TP53I11: variants seen among roughly 807,000 people sequenced by gnomAD.
The protein encoded by TP53I11 is tumor protein p53-inducible protein 11.
In TP53I11, 9 loss-of-function variants were observed where a neutral mutation model predicts 23.3. That is an observed-to-expected ratio of 0.39 (90% CI 0.23 to 0.67). The LOEUF (loss-of-function observed/expected upper bound fraction) is 0.67, where lower values mean the gene tolerates loss of function less well. Ranked by LOEUF, TP53I11 falls within the 30% of genes least tolerant of loss-of-function variation. TP53I11 has a pLI of 0.48. For synonymous variants in TP53I11, 100 were observed against 106.1 expected, an observed-to-expected ratio of 0.94 and a Z score of 0.35; for missense variants, 170 against 255.2, an observed-to-expected ratio of 0.67 and a Z score of 2.27.
chr11:44,947,942 G>T (rs1862552000), intron 1 of TP53I11, among the ~76,000 whole-genome samples: 1 of 152,228 alleles, frequency 6.6e-6, no homozygotes, highest in African/African-American at 2.4e-5. Flanking sequence ...CCTTGCCTCA[G>T]TTGCCCCCTT....
chr11:44,950,468 G>A (rs1862841198), intron 1 of TP53I11, among the ~76,000 whole-genome samples: 1 of 152,044 alleles, frequency 6.6e-6, no homozygotes, highest in Admixed American at 6.5e-5. Context: ...CGGCGCCTTG[G>A]GGAGCTGGGG....
chr11:44,936,668 G>A lies in TP53I11; in HGVS notation c.334+135C>T, dbSNP rs1261573003. The A allele has an allele frequency of 1.5e-6, 2 of 1,371,494 alleles. No homozygotes were observed. Among genetic ancestry groups the A allele is most frequent in the Non-Finnish European group, 1.9e-6 (2 of 1,060,336 alleles). The allele number at this position is 1,371,494 out of a possible 1,614,324, so 85.0% of individuals were successfully genotyped here. A position where few individuals can be genotyped will look rare whatever the true frequency, so the allele number is the denominator to read the frequency against. The stretch of plus-strand genomic sequence containing the variant: ...ATCCCCAGCAGAGAGCTTCATCAGA[G>A]GCCGGGGTGTGGGCGCAGCATCTGG... On this transcript the variant is annotated intron_variant, in intron 5 of 6. Transcript: ENST00000525680. The surrounding 1 kb of genome is among the most constrained non-coding windows in gnomAD (Gnocchi z 4.4).
At chr11:44,949,339 T>C (rs918140489) in intron 1 of TP53I11, among the ~76,000 whole-genome samples, 8 of 151,910 alleles carry the variant, frequency 5.3e-5, no homozygotes, top group Middle Eastern at 6.3e-3. Flanking sequence ...AGGGACCACA[T>C]AGTTGGGGTG....
Position 44,936,537 on chromosome 11 carries a change from C to T in TP53I11, c.334+266G>A, listed in dbSNP as rs1165097827. 7.2e-6 allele frequency: 9 copies of T among 1,254,374 alleles called. No individual in the cohort carries two copies. The highest frequency in any genetic ancestry group is 3.9e-5 in the Admixed American group (1 of 25,428). 77.7% of individuals were successfully genotyped at this position (1,254,374 alleles called of 1,614,324 possible). ...GGCTTCCTCCATCTCTGTACCACAACGCCCAGAGGCAGTGCACACACTTAT... is the reference window on the plus strand; with the variant it reads ...GGCTTCCTCCATCTCTGTACCACAATGCCCAGAGGCAGTGCACACACTTAT... On this transcript the variant is annotated intron_variant, in intron 5 of 6. Transcript: ENST00000525680. The surrounding 1 kb of genome is among the most constrained non-coding windows in gnomAD (Gnocchi z 4.4).
At chr11:44,935,515 GC>G in intron 6 of TP53I11, 45 bp downstream of exon 6, 1 of 1,576,412 alleles carries the variant, frequency 6.3e-7, no homozygotes, top group Non-Finnish European at 8.7e-7. Context: ...CAGGTCAGGG[GC>G]GAAGCGGCCC....
chr11:44,935,841 C>T, intron 5 of TP53I11, 179 bp from the exon 6 acceptor site: 1 of 607,434 alleles, frequency 1.6e-6, no homozygotes, highest in Non-Finnish European at 2.9e-6. Context: ...GATCCTGTCC[C>T]CTCCAGACTC....
At chr11:44,935,709 C>G (rs1041160493) in intron 5 of TP53I11, 47 bp from the exon 6 acceptor site, 7 of 1,369,562 alleles carry the variant, frequency 5.1e-6, no homozygotes, top group Non-Finnish European at 7.2e-6. Flanking sequence ...CAGCTGACTC[C>G]CTCCCAGCAG....
rs1860670413 is a variant in TP53I11, at chr11:44,932,754, GCCA to G, written c.*2127_*2129del. 2 of 152,304 alleles carry G rather than the reference GCCA, an allele frequency of 1.3e-5. No individual in the cohort carries two copies. Among genetic ancestry groups the G allele is most frequent in the African/African-American group, 4.8e-5 (2 of 41,434 alleles). 9.4% of individuals were successfully genotyped at this position (152,304 alleles called of 1,614,324 possible). A position where few individuals can be genotyped will look rare whatever the true frequency, so the allele number is the denominator to read the frequency against. ...CTCCACTACAATTAGCTCTAACCAA[GCCA>G]CCCAGTATTTTGTGAGCACAGCTGT... On this transcript the variant is annotated 3_prime_UTR_variant, in exon 7 of 7. Coordinates refer to ENST00000525680, the MANE Select transcript of TP53I11 (RefSeq NM_006034.5).
In TP53I11 at chr11:44,933,311, C is replaced by T. The variant is rs72901396; in HGVS notation, c.*1573G>A. On this transcript the variant is annotated 3_prime_UTR_variant, in exon 7 of 7. Coordinates refer to ENST00000525680, the MANE Select transcript of TP53I11 (RefSeq NM_006034.5). ...ACAGGGTGGACAGGGGTGAGGACCC[C>T]TGGCAGGGGCCCACCTGGCAGCAGC... The T allele has an allele frequency of 9.3e-3, 1,329 of 142,248 alleles. 11 individuals are homozygous for T. The highest frequency in any genetic ancestry group is 0.015 in the Non-Finnish European group (942 of 61,176). 8.8% of individuals were successfully genotyped at this position (142,248 alleles called of 1,614,324 possible). A position where few individuals can be genotyped will look rare whatever the true frequency, so the allele number is the denominator to read the frequency against.
chr11:44,948,661 T>A (rs1213362866), intron 1 of TP53I11, among the ~76,000 whole-genome samples: 1 of 152,112 alleles, frequency 6.6e-6, no homozygotes, highest in African/African-American at 2.4e-5. Flanking sequence ...CCCCAGTGCC[T>A]GAAACTGTCC....
Position 44,934,101 on chromosome 11 carries a change from A to G in TP53I11, c.*783T>C, listed in dbSNP as rs898359526. ...GAGTGCCCTAGAGCAAGGTCCCAGG[A>G]GAGCTCATCTTGTCAGGCCAGGAGA... On this transcript the variant is annotated 3_prime_UTR_variant, in exon 7 of 7. Coordinates refer to ENST00000525680, the MANE Select transcript of TP53I11 (RefSeq NM_006034.5). 6.6e-6 allele frequency: 1 copy of G among 152,492 alleles called. No homozygotes were observed. Among genetic ancestry groups the G allele is most frequent in the African/African-American group, 2.4e-5 (1 of 41,440 alleles). 9.4% of individuals were successfully genotyped at this position (152,492 alleles called of 1,614,324 possible).
rs373598437 is a variant in TP53I11, at chr11:44,936,715, C to T, written c.334+88G>A. 2.5e-4 allele frequency: 333 copies of T among 1,348,630 alleles called. 1 individual carries two copies. The African/African-American group carries it at 3.6e-3, about 15-fold the overall frequency. 83.5% of individuals were successfully genotyped at this position (1,348,630 alleles called of 1,614,324 possible). On this transcript the variant is annotated intron_variant, in intron 5 of 6. Coordinates refer to ENST00000525680, the MANE Select transcript of TP53I11 (RefSeq NM_006034.5). This position sits in a 1 kb window ranked among gnomAD's most constrained non-coding sequence, Gnocchi z 4.4. ...CTGGCCGAAGAAAGGAAGGGGTGCC[C>T]GGGCACGGACCCCCGTGCTCTCCTC...
chr11:44,936,567 G>T lies in TP53I11; in HGVS notation c.334+236C>A. On this transcript the variant is annotated intron_variant, in intron 5 of 6. Coordinates refer to ENST00000525680, the MANE Select transcript of TP53I11 (RefSeq NM_006034.5). The surrounding 1 kb of genome is among the most constrained non-coding windows in gnomAD (Gnocchi z 4.4). ...AGAGGCAGTGCACACACTTATGAGCGCTCCTTGCAGATGGTGGCGACTGCA... is the reference window on the plus strand; with the variant it reads ...AGAGGCAGTGCACACACTTATGAGCTCTCCTTGCAGATGGTGGCGACTGCA... The T allele has an allele frequency of 7.7e-7, 1 of 1,303,110 alleles. No individual in the cohort carries two copies. The highest frequency in any genetic ancestry group is 9.7e-7 in the Non-Finnish European group (1 of 1,026,244). The allele number at this position is 1,303,110 out of a possible 1,614,324, so 80.7% of individuals were successfully genotyped here. A position where few individuals can be genotyped will look rare whatever the true frequency, so the allele number is the denominator to read the frequency against.
intron 1 of TP53I11, among the ~76,000 whole-genome samples, chr11:44,946,328 C>T (rs1278802218): frequency 6.6e-6 from 1 of 152,202 alleles, no homozygotes; most frequent in East Asian, 1.9e-4. Flanking sequence ...TGCTATCAGG[C>T]CATCCCTCGA....
At chr11:44,937,474 G>A in intron 3 of TP53I11, 81 bp downstream of exon 3, 1 of 1,562,622 alleles carries the variant, frequency 6.4e-7, no homozygotes, top group Non-Finnish European at 8.7e-7. Context: ...CAGGGACCAG[G>A]CCAAATGAGG....
At position 44,934,265 on chromosome 11, in the gene TP53I11, T is replaced by A. The variant is rs1250328893; in HGVS notation, c.*619A>T. The A allele has an allele frequency of 6.6e-6, 1 of 152,616 alleles. No individual in the cohort carries two copies. The highest frequency in any genetic ancestry group is 1.9e-4 in the East Asian group (1 of 5,186). The allele number at this position is 152,616 out of a possible 1,614,324, so 9.5% of individuals were successfully genotyped here. ...TGGCTGGGCTATGAAGGCGCACGTG[T>A]GTGTGTTTGCTCACATCATGGGTGT... On this transcript the variant is annotated 3_prime_UTR_variant, in exon 7 of 7. Transcript: ENST00000525680.
intron 4 of TP53I11, 131 bp from the exon 5 acceptor site, chr11:44,937,030 G>A: frequency 5.1e-6 from 4 of 778,076 alleles, no homozygotes; most frequent in East Asian, 2.7e-5. Flanking sequence ...TCCAGGGTCT[G>A]GACCCAATTG....
intron 1 of TP53I11, chr11:44,940,886 A>C (rs538752105): frequency 1.3e-5 from 2 of 152,256 alleles, no homozygotes; most frequent in African/African-American, 4.8e-5. Context: ...CAGTTCCTCC[A>C]CATCCTCACC....
intron 2 of TP53I11, 113 bp downstream of exon 2, chr11:44,938,094 A>T (rs1565081253): frequency 7.3e-7 from 1 of 1,374,058 alleles, no homozygotes; most frequent in Non-Finnish European, 9.5e-7. Context: ...TAGGAAAATC[A>T]GCTAAGTCCT....
Sources: gnomAD v4.1 joint callset for allele counts (sites outside exome capture counted in the v4.1 genomes callset) on GRCh38, gnomAD v4.1.1 for gene constraint, Gnocchi (gnomAD v3.1) non-coding constraint, MANE v1.5 for transcripts, NCBI Gene and HGNC (gene_info 2026-07-23, HGNC 2026-07-21) for gene names.